Variants in ZNF529 observed in about 807,000 individuals in gnomAD.
The protein encoded by ZNF529 is zinc finger protein 529.
ZNF529 carries 11 observed loss-of-function variants against 10.1 expected under a neutral mutation model. That is an observed-to-expected ratio of 1.09 (90% CI 0.69 to 1.81). The LOEUF (loss-of-function observed/expected upper bound fraction) is 1.81. Among genes scored for constraint, ZNF529 ranks in the 40% most tolerant of loss-of-function variants. The pLI is 0.00. For missense variants in ZNF529, 624 were observed against 666.8 expected (o/e 0.94, Z 0.71); for synonymous variants, 204 against 215.7 (o/e 0.95, Z 0.47).
At position 36,547,605 on chromosome 19, in the gene ZNF529, T is replaced by C; in HGVS notation, c.953A>G (p.Asp318Gly). Residue 318 changes from aspartate to glycine, a missense_variant, in exon 5 of 5, where the codon GAC becomes GGC. Transcript: ENST00000591340. Reference sequence around the variant, plus strand: ...GGTAAGCTGTGAATGAAATCTGAAGTCCTTGCCACATTCCATACATTTGTA... The same window carrying C: ...GGTAAGCTGTGAATGAAATCTGAAGCCCTTGCCACATTCCATACATTTGTA... ...KTYKCMECGK[D>G]FRFHSQLTEH... The C allele has an allele frequency of 6.2e-7, 1 of 1,613,716 alleles. No homozygotes were observed. Among genetic ancestry groups the C allele is most frequent in the Non-Finnish European group, 8.5e-7 (1 of 1,179,744 alleles).
chr19:36,584,636 G>T (rs925239592), intron 2 of ZNF529, among the ~76,000 whole-genome samples: 3 of 151,786 alleles, frequency 2.0e-5, no homozygotes, highest in African/African-American at 7.3e-5. Flanking sequence ...GTGTGGTGGC[G>T]CTCACCTGTG....
chr19:36,572,476 T>C, intron 1 of ZNF529, 84 bp from the exon 2 acceptor site: 1 of 1,088,142 alleles, frequency 9.2e-7, no homozygotes, highest in Admixed American at 2.4e-5. Flanking sequence ...GAAAAGCCCA[T>C]CACACACAAC....
chr19:36,593,887 T>C (rs1440178306), intron 1 of ZNF529: 1 of 152,140 alleles, frequency 6.6e-6, no homozygotes, highest in African/African-American at 2.4e-5. Context: ...GAAGGAAAAC[T>C]GCCCATGAGA....
intron 2 of ZNF529, among the ~76,000 whole-genome samples, chr19:36,558,380 T>C (rs2035559798): frequency 6.6e-6 from 1 of 152,118 alleles, no homozygotes; most frequent in South Asian, 2.1e-4. Flanking sequence ...TGCATCATTA[T>C]AAAAGCACTG....
intron 2 of ZNF529, among the ~76,000 whole-genome samples, chr19:36,565,411 A>C (rs2035858522): frequency 1.3e-5 from 2 of 152,164 alleles, no homozygotes. Context: ...ATATACAAAA[A>C]TGAAGAACAG....
rs1379704584 is a variant in ZNF529, at chr19:36,546,057, G to GTATATATATATATATATA, written c.*808_*809insTATATATATATATATATA. On this transcript the variant is annotated 3_prime_UTR_variant, in exon 5 of 5. Transcript: ENST00000591340. ...ATATATACATATATTGTGTGTGTGT[G>GTATATATATATATATATA]TGTGTATATATATATATATATATAG... is the stretch of plus-strand genomic sequence containing the variant. 6.3e-5 allele frequency: 5 copies of GTATATATATATATATATA among 79,328 alleles called. No individual in the cohort carries two copies. Among genetic ancestry groups the GTATATATATATATATATA allele is most frequent in the Non-Finnish European group, 1.5e-4 (5 of 32,884 alleles). 4.9% of individuals were successfully genotyped at this position (79,328 alleles called of 1,614,324 possible).
At chr19:36,549,050 T>G (rs534503367) in intron 4 of ZNF529, among the ~76,000 whole-genome samples, 1 of 152,316 alleles carries the variant, frequency 6.6e-6, no homozygotes, top group South Asian at 2.1e-4. Flanking sequence ...ATTTTTCATC[T>G]CCTAGATCAA....
At chr19:36,573,946 C>G (rs1331499542), upstream of ZNF529, among the ~76,000 whole-genome samples, 1 of 152,200 alleles carries the variant, frequency 6.6e-6, no homozygotes, top group Non-Finnish European at 1.5e-5. Flanking sequence ...CGTTTTGCAC[C>G]ATGAGAAAGG....
At chr19:36,556,804 G>T (rs977693542) in intron 2 of ZNF529, among the ~76,000 whole-genome samples, 5 of 152,174 alleles carry the variant, frequency 3.3e-5, no homozygotes, top group Non-Finnish European at 7.3e-5. Flanking sequence ...TTTTGTCCAG[G>T]GGGAGAAGCA....
rs564655994 is a variant in ZNF529 at position 36,545,905 on chromosome 19, C to A, written c.*961G>T. The A allele has an allele frequency of 6.7e-6, 1 of 150,284 alleles. No individual in the cohort carries two copies. The highest frequency in any genetic ancestry group is 2.1e-4 in the South Asian group (1 of 4,742). 9.3% of individuals were successfully genotyped at this position (150,284 alleles called of 1,614,324 possible). On this transcript the variant is annotated 3_prime_UTR_variant, in exon 5 of 5. Coordinates refer to ENST00000591340, the MANE Select transcript of ZNF529 (RefSeq NM_020951.5). ...GTTTTATCAAATATTTAAAAGAGTT[C>A]TCTTCATTTGGATCCTGGTTGGTAT...
intron 4 of ZNF529, among the ~76,000 whole-genome samples, chr19:36,549,530 CATTGT>C: frequency 6.6e-6 from 1 of 152,196 alleles, no homozygotes; most frequent in East Asian, 1.9e-4. Context: ...CCAACCCTCA[CATTGT>C]ATTAGTGATT....
At chr19:36,599,443 AG>A (rs1443281841) in intron 1 of ZNF529, among the ~76,000 whole-genome samples, 2 of 152,234 alleles carry the variant, frequency 1.3e-5, no homozygotes, top group Admixed American at 1.3e-4. Flanking sequence ...GTCTAACAAA[AG>A]CATGACTGAT....
At chr19:36,554,433 A>C (rs1328905715) in intron 4 of ZNF529, among the ~76,000 whole-genome samples, 5 of 152,024 alleles carry the variant, frequency 3.3e-5, no homozygotes, top group Non-Finnish European at 7.4e-5. Context: ...AAAAAATTAG[A>C]TGGGCATAGT....
chr19:36,560,357 A>C (rs1464445652), intron 2 of ZNF529, among the ~76,000 whole-genome samples: 1 of 152,042 alleles, frequency 6.6e-6, no homozygotes, highest in Admixed American at 6.6e-5. Flanking sequence ...CTGATATACA[A>C]ATTTTATGAA....
chr19:36,585,185 G>A (rs2036554110), intron 2 of ZNF529, among the ~76,000 whole-genome samples: 1 of 152,192 alleles, frequency 6.6e-6, no homozygotes, highest in Non-Finnish European at 1.5e-5. Flanking sequence ...CACTAAACAT[G>A]GAGGAAAGAA....
chr19:36,569,470 T>G (rs2036015955), intron 2 of ZNF529, among the ~76,000 whole-genome samples: 1 of 152,064 alleles, frequency 6.6e-6, no homozygotes, highest in Non-Finnish European at 1.5e-5. Context: ...AAATAATTAC[T>G]TTTTAAAAAA....
At chr19:36,561,002 A>C (rs1177398315) in intron 2 of ZNF529, among the ~76,000 whole-genome samples, 1 of 152,210 alleles carries the variant, frequency 6.6e-6, no homozygotes, top group Admixed American at 6.5e-5. Flanking sequence ...TTCTGATCAG[A>C]GTGTGGCTAG....
At chr19:36,561,179 G>T (rs2035678582) in intron 2 of ZNF529, among the ~76,000 whole-genome samples, 1 of 152,072 alleles carries the variant, frequency 6.6e-6, no homozygotes, top group Middle Eastern at 3.2e-3. Flanking sequence ...GGGGCTTGCT[G>T]CCCGGGGCTG....
At chr19:36,572,797 G>T (rs1253052634) in intron 1 of ZNF529, among the ~76,000 whole-genome samples, 1 of 151,532 alleles carries the variant, frequency 6.6e-6, no homozygotes, top group Non-Finnish European at 1.5e-5. Context: ...CTATCTATAT[G>T]CGTGTGTGTG....
Sources: gnomAD v4.1 joint callset for allele counts (sites outside exome capture counted in the v4.1 genomes callset) on GRCh38, gnomAD v4.1.1 for gene constraint, MANE v1.5 for transcripts, NCBI Gene and HGNC (gene_info 2026-07-23, HGNC 2026-07-21) for gene names.